AUTS2: variants seen among roughly 807,000 people sequenced by gnomAD.
The protein encoded by AUTS2 is autism susceptibility gene 2 protein.
AUTS2 carries 17 observed loss-of-function variants against 112.4 expected under a neutral mutation model. That is an observed-to-expected ratio of 0.15 (90% CI 0.10 to 0.23). The LOEUF (loss-of-function observed/expected upper bound fraction) is 0.23. Ranked by LOEUF, AUTS2 falls within the 10% of genes least tolerant of loss-of-function variation. AUTS2 has a pLI of 1.00. For missense variants in AUTS2, 1,510 were observed against 1,701.6 expected (o/e 0.89, Z 1.98); for synonymous variants, 751 against 702.7 (o/e 1.07, Z -1.09).
intron 1 of AUTS2, among the ~76,000 whole-genome samples, chr7:69,794,227 G>A (rs191170190): frequency 1.6e-4 from 24 of 152,298 alleles, no homozygotes; most frequent in Non-Finnish European, 2.1e-4. Flanking sequence ...TAGACCTGCT[G>A]TCTCAAGCTG....
At chr7:70,252,362 A>C (rs1392416717) in intron 4 of AUTS2, among the ~76,000 whole-genome samples, 2 of 151,994 alleles carry the variant, frequency 1.3e-5, no homozygotes, top group Non-Finnish European at 2.9e-5. Flanking sequence ...GATGATGAGC[A>C]TTTTTTCATA....
intron 5 of AUTS2, among the ~76,000 whole-genome samples, chr7:70,512,068 G>A (rs1799217454): frequency 6.6e-6 from 1 of 152,188 alleles, no homozygotes; most frequent in African/African-American, 2.4e-5. Flanking sequence ...CTGGGATGTG[G>A]CAGAGAGCAT....
intron 4 of AUTS2, among the ~76,000 whole-genome samples, chr7:70,259,667 C>CT (rs1240328481): frequency 6.6e-6 from 1 of 152,238 alleles, no homozygotes; most frequent in Non-Finnish European, 1.5e-5. Flanking sequence ...TTCTTGACCA[C>CT]TTCCTACCAG....
intron 4 of AUTS2, among the ~76,000 whole-genome samples, chr7:70,225,351 G>A (rs1811707977): frequency 6.6e-6 from 1 of 152,162 alleles, no homozygotes; most frequent in African/African-American, 2.4e-5. Context: ...TGACTTCAGA[G>A]CTATAAGGTT....
chr7:69,845,467 C>CTT (rs1792155792), intron 1 of AUTS2, among the ~76,000 whole-genome samples: 3 of 152,096 alleles, frequency 2.0e-5, no homozygotes, highest in Admixed American at 2.0e-4. Context: ...CTAAGAAGGG[C>CTT]AATGGTTATT....
chr7:70,265,063 A>G (rs1357465022), intron 4 of AUTS2, among the ~76,000 whole-genome samples: 1 of 152,230 alleles, frequency 6.6e-6, no homozygotes, highest in Non-Finnish European at 1.5e-5. Flanking sequence ...CTAATTCCTT[A>G]GGATTAATGA....
intron 2 of AUTS2, among the ~76,000 whole-genome samples, chr7:69,941,867 T>A (rs1030048352): frequency 1.3e-5 from 2 of 152,192 alleles, no homozygotes; most frequent in Non-Finnish European, 2.9e-5. Context: ...GATTAAATGC[T>A]ATCTTCCTGA....
intron 4 of AUTS2, among the ~76,000 whole-genome samples, chr7:70,302,273 C>T (rs1157330273): frequency 6.6e-6 from 1 of 151,916 alleles, no homozygotes; most frequent in Non-Finnish European, 1.5e-5. Context: ...AAAAAGTGGG[C>T]ATGGTGGTGC....
intron 6 of AUTS2, 58 bp from the exon 7 acceptor site, chr7:70,762,812 C>T: frequency 7.7e-7 from 1 of 1,291,500 alleles, no homozygotes; most frequent in Non-Finnish European, 1.1e-6. Context: ...CCTTTCCCTC[C>T]TTATGCCACA....
intron 4 of AUTS2, among the ~76,000 whole-genome samples, chr7:70,419,592 A>G (rs1262379880): frequency 2.0e-5 from 3 of 152,192 alleles, no homozygotes; most frequent in African/African-American, 7.2e-5. Flanking sequence ...TTTTTAAACA[A>G]ATTATTATAG....
At chr7:69,617,496 C>T (rs1043965474) in intron 1 of AUTS2, among the ~76,000 whole-genome samples, 1 of 152,090 alleles carries the variant, frequency 6.6e-6, no homozygotes, top group African/African-American at 2.4e-5. Flanking sequence ...GTGAGCAACA[C>T]AGGAGATGTT....
At chr7:70,235,558 C>T (rs375888167) in intron 4 of AUTS2, among the ~76,000 whole-genome samples, 2 of 152,226 alleles carry the variant, frequency 1.3e-5, no homozygotes, top group South Asian at 4.1e-4. Flanking sequence ...AACTAAAATA[C>T]GTACTATCTG....
At chr7:70,417,026 C>T (rs1331958309) in intron 4 of AUTS2, among the ~76,000 whole-genome samples, 1 of 152,156 alleles carries the variant, frequency 6.6e-6, no homozygotes, top group Non-Finnish European at 1.5e-5. Flanking sequence ...CAGCAGGGCC[C>T]CCAGTCTATC....
intron 1 of AUTS2, among the ~76,000 whole-genome samples, chr7:69,737,219 G>T (rs976286566): frequency 2.6e-5 from 4 of 151,952 alleles, no homozygotes; most frequent in Middle Eastern, 3.4e-3. Context: ...TGTTTTTTTT[G>T]TTTCTTTTTT....
intron 5 of AUTS2, among the ~76,000 whole-genome samples, chr7:70,515,288 G>A (rs1284012394): frequency 2.0e-5 from 3 of 152,176 alleles, no homozygotes; most frequent in African/African-American, 7.2e-5. Flanking sequence ...AGGCTAGACG[G>A]TGGTGCCAAT....
intron 2 of AUTS2, among the ~76,000 whole-genome samples, chr7:70,040,789 G>A (rs1341378031): frequency 3.3e-5 from 5 of 152,182 alleles, no homozygotes; most frequent in Non-Finnish European, 7.3e-5. Flanking sequence ...AGGTCCTGAA[G>A]CCACTGCAGG....
At chr7:69,623,141 A>G (rs1482954726) in intron 1 of AUTS2, among the ~76,000 whole-genome samples, 1 of 152,190 alleles carries the variant, frequency 6.6e-6, no homozygotes, top group East Asian at 1.9e-4. Flanking sequence ...TGGTAAACAT[A>G]CTGATTCCTG....
At chr7:70,249,891 T>A (rs547738959) in intron 4 of AUTS2, among the ~76,000 whole-genome samples, 29 of 127,228 alleles carry the variant, frequency 2.3e-4, no homozygotes, top group South Asian at 9.8e-4. Flanking sequence ...TTAAGTAAAA[T>A]ATTAATATTT....
At chr7:69,816,093 G>T (rs899798623) in intron 1 of AUTS2, among the ~76,000 whole-genome samples, 1 of 152,190 alleles carries the variant, frequency 6.6e-6, no homozygotes, top group Non-Finnish European at 1.5e-5. Flanking sequence ...ACTGTAGAAG[G>T]TGTAATAGAA....
Sources: allele counts gnomAD v4.1 joint callset (sites outside exome capture counted in the v4.1 genomes callset), GRCh38; gene constraint gnomAD v4.1.1; transcripts MANE v1.5; gene names NCBI Gene and HGNC (gene_info 2026-07-23, HGNC 2026-07-21).